The following CEP89 variants were observed in gnomAD, a reference collection of about 807,000 sequenced individuals.
CEP89 encodes centrosomal protein of 89 kDa.
CEP89 carries 95 observed loss-of-function variants against 97.6 expected under a neutral mutation model. The ratio of observed to expected loss-of-function variants is 0.97; its 90% CI spans 0.82 to 1.15. The LOEUF (loss-of-function observed/expected upper bound fraction) is 1.15, where lower values mean the gene tolerates loss of function less well. CEP89 is among the 50% of genes most tolerant of loss of function. CEP89 has a pLI of 0.00. For missense variants in CEP89, 869 were observed against 947.7 expected, an observed-to-expected ratio of 0.92 and a Z score of 1.09; for synonymous variants, 354 against 349.1, an observed-to-expected ratio of 1.01 and a Z score of -0.16.
intron 14 of CEP89, among the ~76,000 whole-genome samples, chr19:32,914,056 T>C (rs1488255025): frequency 6.6e-6 from 1 of 152,156 alleles, no homozygotes; most frequent in Non-Finnish European, 1.5e-5. Flanking sequence ...TCCCAGCTAC[T>C]TGTGGGGCTG....
rs75397703 is a variant in CEP89 at position 32,926,162 on chromosome 19, G to A, written c.1164+28C>T. On this transcript the variant is annotated intron_variant, in intron 11 of 18. Coordinates refer to ENST00000305768, the MANE Select transcript of CEP89 (RefSeq NM_032816.5). ...GCGGTCCTATATTTTTATAAATCTTGTGTCTTCTGGGACATTTGCCAGCCT... is the reference window on the plus strand; with the variant it reads ...GCGGTCCTATATTTTTATAAATCTTATGTCTTCTGGGACATTTGCCAGCCT... 4.2e-5 allele frequency: 64 copies of A among 1,510,758 alleles called. No individual in the cohort carries two copies. In the African/African-American group the frequency reaches 8.0e-4, roughly 19 times the overall value. 93.6% of individuals were successfully genotyped at this position (1,510,758 alleles called of 1,614,324 possible).
At chr19:32,925,482 GCC>G (rs933134117) in intron 11 of CEP89, among the ~76,000 whole-genome samples, 2 of 136,518 alleles carry the variant, frequency 1.5e-5, no homozygotes, top group African/African-American at 5.7e-5. Flanking sequence ...TGCCCAAATA[GCC>G]CTTTTTTTTT....
chr19:32,919,928 G>A (rs1435093776), intron 12 of CEP89, among the ~76,000 whole-genome samples: 1 of 152,214 alleles, frequency 6.6e-6, no homozygotes, highest in Non-Finnish European at 1.5e-5. Flanking sequence ...TTACAGGCGT[G>A]AGCCACCATG....
chr19:32,914,404 C>G (rs541059772), intron 14 of CEP89, among the ~76,000 whole-genome samples: 1 of 151,812 alleles, frequency 6.6e-6, no homozygotes, highest in African/African-American at 2.4e-5. Flanking sequence ...GGACCACAGG[C>G]GCATACCACC....
In CEP89 at chr19:32,925,195, GA is replaced by G. The variant is rs372871306; in HGVS notation, c.1164+994del. Among the ~76,000 whole-genome samples, 410 of 152,210 alleles carry G rather than the reference GA, an allele frequency of 2.7e-3. 3 individuals carry two copies. The highest frequency in any genetic ancestry group is 0.013 in the South Asian group (62 of 4,822). Reference sequence around the variant, plus strand: ...TTCGCTGGATCCTTCCAATTTCAGGGATCTATATGGACACTTAAATGAGGAA... The same window carrying G: ...TTCGCTGGATCCTTCCAATTTCAGGGTCTATATGGACACTTAAATGAGGAA... On this transcript the variant is annotated intron_variant, in intron 11 of 18. Coordinates refer to ENST00000305768, the MANE Select transcript of CEP89 (RefSeq NM_032816.5).
intron 5 of CEP89, among the ~76,000 whole-genome samples, chr19:32,942,474 A>C (rs1198328829): frequency 6.6e-6 from 1 of 152,232 alleles, no homozygotes; most frequent in Non-Finnish European, 1.5e-5. Flanking sequence ...ACTTTTGTAC[A>C]CATTAAAAAT....
At chr19:32,942,643 G>A (rs1970710814) in intron 5 of CEP89, among the ~76,000 whole-genome samples, 1 of 152,106 alleles carries the variant, frequency 6.6e-6, no homozygotes, top group African/African-American at 2.4e-5. Flanking sequence ...TACATTTAAT[G>A]TACACGCAGT....
At chr19:32,924,936 G>A (rs1970323941) in intron 11 of CEP89, among the ~76,000 whole-genome samples, 1 of 152,170 alleles carries the variant, frequency 6.6e-6, no homozygotes, top group South Asian at 2.1e-4. Flanking sequence ...CCCTGACTTA[G>A]AAGGAGCACC....
At chr19:32,956,660 C>T (rs1274330744) in intron 3 of CEP89, among the ~76,000 whole-genome samples, 1 of 152,158 alleles carries the variant, frequency 6.6e-6, no homozygotes, top group Admixed American at 6.6e-5. Flanking sequence ...AACCACCACA[C>T]TTGACTTCCA....
At chr19:32,964,775 G>A (rs1455710572) in intron 2 of CEP89, among the ~76,000 whole-genome samples, 2 of 152,166 alleles carry the variant, frequency 1.3e-5, no homozygotes, top group Admixed American at 1.3e-4. Flanking sequence ...GAGCATGAAA[G>A]GTGGCAGAGA....
chr19:32,940,096 TG>T (rs1970657545), intron 5 of CEP89, among the ~76,000 whole-genome samples: 1 of 152,154 alleles, frequency 6.6e-6, no homozygotes, highest in Admixed American at 6.5e-5. Flanking sequence ...TACCCATGCC[TG>T]ACCACCATCC....
chr19:32,929,578 G>A (rs983896451), intron 9 of CEP89, among the ~76,000 whole-genome samples: 10 of 151,528 alleles, frequency 6.6e-5, no homozygotes, highest in African/African-American at 2.4e-4. Context: ...ACTCCAGCCT[G>A]GGCGACATAG....
chr19:32,942,606 C>T (rs1970709961), intron 5 of CEP89, among the ~76,000 whole-genome samples: 1 of 152,176 alleles, frequency 6.6e-6, no homozygotes, highest in Non-Finnish European at 1.5e-5. Context: ...CAATTTACAG[C>T]ATCCCAAATT....
chr19:32,970,396 C>T (rs1971374691), intron 1 of CEP89: 1 of 152,186 alleles, frequency 6.6e-6, no homozygotes, highest in Non-Finnish European at 1.5e-5. Context: ...TGGCTCACAC[C>T]TGTAATCCCA....
intron 11 of CEP89, among the ~76,000 whole-genome samples, chr19:32,925,546 T>C (rs923027087): frequency 1.4e-5 from 2 of 145,516 alleles, no homozygotes; most frequent in African/African-American, 5.2e-5. Context: ...TGGAGTGCAG[T>C]GATGCAATCT....
At chr19:32,969,585 G>A (rs754441296) in intron 1 of CEP89, 1 of 152,548 alleles carries the variant, frequency 6.6e-6, no homozygotes, top group Non-Finnish European at 1.5e-5. Context: ...CAGGGATGGA[G>A]GGTGAAGGGG....
intron 18 of CEP89, among the ~76,000 whole-genome samples, chr19:32,881,372 C>T (rs1274296301): frequency 6.6e-6 from 1 of 151,584 alleles, no homozygotes; most frequent in East Asian, 1.9e-4. Flanking sequence ...AATAAAATCT[C>T]TCAAGAAAAT....
chr19:32,909,169 G>A (rs1969948939), intron 14 of CEP89, among the ~76,000 whole-genome samples: 1 of 152,166 alleles, frequency 6.6e-6, no homozygotes, highest in African/African-American at 2.4e-5. Context: ...ATGAAGGTGG[G>A]AGAAAAACAA....
At chr19:32,926,422 T>A (rs1970359232) in intron 10 of CEP89, 149 bp from the exon 11 acceptor site, 2 of 637,984 alleles carry the variant, frequency 3.1e-6, no homozygotes, top group Non-Finnish European at 2.7e-6. Context: ...CAGCTCAGGA[T>A]CCCAGAACAA....
Sources: allele counts gnomAD v4.1 joint callset (sites outside exome capture counted in the v4.1 genomes callset), GRCh38; gene constraint gnomAD v4.1.1; transcripts MANE v1.5; gene names NCBI Gene and HGNC (gene_info 2026-07-23, HGNC 2026-07-21).